AGBL4: variants seen among roughly 807,000 people sequenced by gnomAD.
The protein encoded by AGBL4 is cytosolic carboxypeptidase 6.
A neutral mutation model predicts 66.4 loss-of-function variants in AGBL4; 58 were observed. The ratio of observed to expected loss-of-function variants is 0.87; its 90% CI spans 0.71 to 1.09. The LOEUF is 1.09. Among genes scored for constraint, AGBL4 ranks in the 50% least tolerant of loss-of-function variants. The pLI is 0.00. For synonymous variants in AGBL4, 234 were observed against 222.9 expected (o/e 1.05, Z -0.44); for missense variants, 579 against 631.0 (o/e 0.92, Z 0.88).
intron 1 of AGBL4, among the ~76,000 whole-genome samples, chr1:49,985,575 G>A (rs148457804): frequency 1.6e-4 from 25 of 152,284 alleles, no homozygotes; most frequent in African/African-American, 5.5e-4. Context: ...CTATAGATGA[G>A]AGATGGTTAA....
chr1:49,018,494 G>A (rs909166892), intron 5 of AGBL4, among the ~76,000 whole-genome samples: 3 of 152,166 alleles, frequency 2.0e-5, no homozygotes, highest in Non-Finnish European at 4.4e-5. Flanking sequence ...GGGAGGAGAA[G>A]CACTATGTCA....
At chr1:49,536,082 A>C (rs1473419912) in intron 3 of AGBL4, among the ~76,000 whole-genome samples, 1 of 152,212 alleles carries the variant, frequency 6.6e-6, no homozygotes, top group Non-Finnish European at 1.5e-5. Context: ...ACAAGTCATA[A>C]AATATTTATT....
At chr1:49,654,526 T>G (rs1435121186) in intron 3 of AGBL4, among the ~76,000 whole-genome samples, 1 of 152,180 alleles carries the variant, frequency 6.6e-6, no homozygotes, top group African/African-American at 2.4e-5. Flanking sequence ...CAGTGGGGGT[T>G]AAACTCTCCC....
At chr1:48,722,692 A>G (rs145103693) in intron 6 of AGBL4, among the ~76,000 whole-genome samples, 1 of 152,132 alleles carries the variant, frequency 6.6e-6, no homozygotes, top group East Asian at 1.9e-4. Context: ...ACATACTGTC[A>G]ATATTACCTT....
intron 5 of AGBL4, among the ~76,000 whole-genome samples, chr1:48,889,382 G>C (rs1021089958): frequency 6.6e-6 from 1 of 152,142 alleles, no homozygotes; most frequent in Non-Finnish European, 1.5e-5. Context: ...GCAAAAAAAA[G>C]GTAGGGAAAT....
chr1:48,933,236 A>G (rs1655178439), intron 5 of AGBL4, among the ~76,000 whole-genome samples: 1 of 152,216 alleles, frequency 6.6e-6, no homozygotes, highest in South Asian at 2.1e-4. Flanking sequence ...ATACACATAT[A>G]TATGGTATTT....
chr1:49,281,518 T>C (rs1644271869), intron 3 of AGBL4, among the ~76,000 whole-genome samples: 1 of 152,200 alleles, frequency 6.6e-6, no homozygotes, highest in South Asian at 2.1e-4. Context: ...GAAGGAAGGA[T>C]AGGGCTTAAA....
intron 3 of AGBL4, among the ~76,000 whole-genome samples, chr1:49,629,053 C>T (rs1645519105): frequency 6.6e-6 from 1 of 152,096 alleles, no homozygotes; most frequent in South Asian, 2.1e-4. Flanking sequence ...AGACCACCAC[C>T]CTGCATCCTT....
intron 3 of AGBL4, among the ~76,000 whole-genome samples, chr1:49,597,812 C>G (rs550105286): frequency 2.6e-5 from 4 of 152,260 alleles, no homozygotes; most frequent in Non-Finnish European, 5.9e-5. Context: ...ATGATTTTGG[C>G]TGTTTGTCTG....
chr1:48,759,507 G>A, intron 6 of AGBL4: 1 of 891,540 alleles, frequency 1.1e-6, no homozygotes, highest in Non-Finnish European at 1.6e-6. Flanking sequence ...CTTGCCCAAA[G>A]TCATAACCAG....
intron 2 of AGBL4, among the ~76,000 whole-genome samples, chr1:49,706,793 T>A (rs1398371723): frequency 6.6e-6 from 1 of 151,962 alleles, no homozygotes; most frequent in African/African-American, 2.4e-5. Flanking sequence ...TCTGCCCTAA[T>A]TTTATTTACC....
chr1:48,590,298 C>G (rs565212207), intron 10 of AGBL4, among the ~76,000 whole-genome samples: 2 of 151,244 alleles, frequency 1.3e-5, no homozygotes, highest in Admixed American at 1.3e-4. Flanking sequence ...CCCAGCTACT[C>G]GGGAGGCTGA....
At chr1:49,906,389 T>C (rs1270811975) in intron 1 of AGBL4, among the ~76,000 whole-genome samples, 1 of 152,094 alleles carries the variant, frequency 6.6e-6, no homozygotes, top group Non-Finnish European at 1.5e-5. Context: ...TTTGCACTTA[T>C]ATAAAAACTA....
In AGBL4 at chr1:49,018,897, A is replaced by G. The variant is rs149134236; in HGVS notation, c.594+26687T>C. Among the ~76,000 whole-genome samples the G allele has an allele frequency of 1.9e-3, 283 of 152,190 alleles. 2 individuals are homozygous for G. The highest frequency in any genetic ancestry group is 6.5e-3 in the African/African-American group (268 of 41,524). On this transcript the variant is annotated intron_variant, in intron 5 of 13. Coordinates refer to ENST00000371839, the MANE Select transcript of AGBL4 (RefSeq NM_032785.4). The stretch of plus-strand genomic sequence containing the variant: ...ATCCATCCTCCACATAACAACCCAA[A>G]TTACTTAATATAAAATATTTGACCC...
chr1:49,774,620 A>C (rs186848753), intron 2 of AGBL4, among the ~76,000 whole-genome samples: 76 of 152,318 alleles, frequency 5.0e-4, no homozygotes, highest in African/African-American at 1.6e-3. Context: ...TTCTATCTTA[A>C]TTGAAAAGAT....
At chr1:49,769,900 T>C (rs1644005244) in intron 2 of AGBL4, among the ~76,000 whole-genome samples, 1 of 152,200 alleles carries the variant, frequency 6.6e-6, no homozygotes, top group African/African-American at 2.4e-5. Flanking sequence ...AACATTGGTC[T>C]TGGCAAAGAA....
chr1:49,568,252 G>C (rs553345308), intron 3 of AGBL4, among the ~76,000 whole-genome samples: 12 of 151,976 alleles, frequency 7.9e-5, no homozygotes, highest in Non-Finnish European at 1.8e-4. Context: ...GCATAGTCTT[G>C]GACCAAAAGC....
intron 3 of AGBL4, among the ~76,000 whole-genome samples, chr1:49,401,607 G>A (rs1329068535): frequency 2.6e-5 from 4 of 152,054 alleles, no homozygotes; most frequent in Non-Finnish European, 5.9e-5. Context: ...GAAAATTTTT[G>A]CATCAATCTT....
chr1:48,547,890 C>T (rs1644189822), intron 11 of AGBL4, among the ~76,000 whole-genome samples: 1 of 152,126 alleles, frequency 6.6e-6, no homozygotes, highest in South Asian at 2.1e-4. Context: ...CATTTCCCTT[C>T]ACTGGGCCTA....
Sources: gnomAD v4.1 joint callset for allele counts (sites outside exome capture counted in the v4.1 genomes callset) on GRCh38, gnomAD v4.1.1 for gene constraint, MANE v1.5 for transcripts, NCBI Gene and HGNC (gene_info 2026-07-23, HGNC 2026-07-21) for gene names.